Variants in MYRFL observed in about 807,000 individuals in gnomAD.
MYRFL encodes myelin regulatory factor-like protein.
In MYRFL, 88 loss-of-function variants were observed where a neutral mutation model predicts 109.4. The ratio of observed to expected loss-of-function variants is 0.80; its 90% CI spans 0.68 to 0.96. The LOEUF (loss-of-function observed/expected upper bound fraction) is 0.96. Ranked by LOEUF, MYRFL falls within the 40% of genes least tolerant of loss-of-function variation. MYRFL has a pLI of 0.00. For missense variants in MYRFL, 957 were observed against 954.9 expected (o/e 1.00, Z -0.03); for synonymous variants, 324 against 320.9 (o/e 1.01, Z -0.10).
rs77146757 is a variant in MYRFL at position 69,828,413 on chromosome 12, G to A, written c.46+2850G>A. Among the ~76,000 whole-genome samples the A allele has an allele frequency of 8.0e-3, 1,210 of 152,064 alleles. 11 individuals are homozygous for A. The highest frequency in any genetic ancestry group is 0.048 in the East Asian group (246 of 5,178). On this transcript the variant is annotated intron_variant, in intron 1 of 24. Coordinates refer to ENST00000552032, the MANE Select transcript of MYRFL (RefSeq NM_182530.3). Reference sequence around the variant, plus strand: ...TGATGTTTGAATTCTCCTTTGAAACGGTTGTAACATCTTCCTGGTCCCTTC... The same window carrying A: ...TGATGTTTGAATTCTCCTTTGAAACAGTTGTAACATCTTCCTGGTCCCTTC...
At position 69,903,726 on chromosome 12, in the gene MYRFL, G is replaced by A; in HGVS notation, c.1265G>A (p.Gly422Asp). Residue 422 changes from glycine (G) to aspartate (D), a missense_variant, in exon 11 of 25, where the codon GGT (glycine) becomes GAT (aspartate). Coordinates refer to ENST00000552032, the MANE Select transcript of MYRFL (RefSeq NM_182530.3). The stretch of plus-strand genomic sequence containing the variant: ...GTTCCAGAATCTATTGTCTGTCACG[G>A]TCGAGTAGGAATCAACACAGATGCG... ...GQVPESIVCHGRVGINTDAPD... is the reference protein window; with the variant it reads ...GQVPESIVCHDRVGINTDAPD... 1 of 1,535,844 alleles carries A rather than the reference G, an allele frequency of 6.5e-7. No homozygotes were observed. Among genetic ancestry groups the A allele is most frequent in the South Asian group, 1.2e-5 (1 of 84,042 alleles).
intron 7 of MYRFL, among the ~76,000 whole-genome samples, chr12:69,891,570 T>C (rs900994373): frequency 9.6e-6 from 1 of 103,896 alleles, no homozygotes; most frequent in Non-Finnish European, 2.2e-5. Context: ...AATTTCTTTC[T>C]TTCTTTCTTT....
intron 1 of MYRFL, among the ~76,000 whole-genome samples, chr12:69,851,184 A>G (rs1028958380): frequency 6.6e-6 from 1 of 152,236 alleles, no homozygotes; most frequent in African/African-American, 2.4e-5. Context: ...AAAAGACATG[A>G]TAACCCAATG....
intron 19 of MYRFL, among the ~76,000 whole-genome samples, chr12:69,944,532 T>G (rs1955770113): frequency 1.9e-5 from 2 of 102,644 alleles, no homozygotes; most frequent in East Asian, 3.3e-4. Flanking sequence ...TGAGGACTGT[T>G]GTGGGGTTGG....
chr12:69,950,795 A>G (rs1955954021), intron 19 of MYRFL, among the ~76,000 whole-genome samples: 1 of 152,202 alleles, frequency 6.6e-6, no homozygotes. Context: ...AGCGTGTGTG[A>G]TTCTGAGATA....
chr12:69,855,389 G>A lies in MYRFL; in HGVS notation c.137+19G>A. On this transcript the variant is annotated intron_variant, in intron 2 of 24. Transcript: ENST00000552032. ...GGGCCTTGTAAGTAATGAGAGCACT[G>A]CTCTCTAGTTGATGTTTAAAATATT... is the stretch of plus-strand genomic sequence containing the variant. The A allele has an allele frequency of 1.4e-6, 1 of 701,928 alleles. No homozygotes were observed. Among genetic ancestry groups the A allele is most frequent in the Non-Finnish European group, 2.6e-6 (1 of 384,464 alleles). The allele number at this position is 701,928 out of a possible 1,614,324, so 43.5% of individuals were successfully genotyped here.
chr12:69,857,980 T>C (rs1884402061), intron 2 of MYRFL, among the ~76,000 whole-genome samples: 1 of 151,866 alleles, frequency 6.6e-6, no homozygotes, highest in African/African-American at 2.4e-5. Flanking sequence ...TCATTAAGTG[T>C]AATGTTAGTG....
chr12:69,943,384 C>G (rs1160352790), intron 19 of MYRFL, among the ~76,000 whole-genome samples: 1 of 147,406 alleles, frequency 6.8e-6, no homozygotes, highest in Non-Finnish European at 1.5e-5. Context: ...CGCCGCATAT[C>G]TACAACTATC....
intron 16 of MYRFL, among the ~76,000 whole-genome samples, chr12:69,935,412 C>G (rs1458983295): frequency 2.0e-5 from 3 of 152,148 alleles, no homozygotes; most frequent in Admixed American, 6.5e-5. Flanking sequence ...GAGGAGAACA[C>G]TAAGTATTTG....
chr12:69,825,608 G>A, intron 1 of MYRFL, 45 bp downstream of exon 1: 2 of 696,042 alleles, frequency 2.9e-6, no homozygotes, highest in Non-Finnish European at 5.2e-6. Flanking sequence ...TCTGAGAAAT[G>A]CTCACTATCC....
chr12:69,924,489 A>G (rs1469012896), intron 13 of MYRFL, among the ~76,000 whole-genome samples: 3 of 152,112 alleles, frequency 2.0e-5, no homozygotes, highest in Non-Finnish European at 4.4e-5. Context: ...CAAATGTACC[A>G]CAGTTTATTA....
intron 19 of MYRFL, among the ~76,000 whole-genome samples, chr12:69,937,326 G>T (rs1566039551): frequency 1.3e-5 from 2 of 151,894 alleles, no homozygotes; most frequent in Admixed American, 6.6e-5. Context: ...TAATATTAAT[G>T]ATGATGCTAA....
chr12:69,906,244 G>A lies in MYRFL; in HGVS notation c.1383+2400G>A, dbSNP rs1052548862. Among the ~76,000 whole-genome samples the A allele has an allele frequency of 4.6e-5, 7 of 152,058 alleles. No individual in the cohort carries two copies. The South Asian group carries it at 8.3e-4, about 18-fold the overall frequency. ...GGGGGAGATCTCTGATGCTCACAGG[G>A]ACACAGATCCAAGACATGGAGAAGA... On this transcript the variant is annotated intron_variant, in intron 11 of 24. Coordinates refer to ENST00000552032, the MANE Select transcript of MYRFL (RefSeq NM_182530.3).
intron 2 of MYRFL, among the ~76,000 whole-genome samples, chr12:69,878,556 A>G (rs933897453): frequency 2.0e-4 from 31 of 152,206 alleles, no homozygotes; most frequent in African/African-American, 6.8e-4. Flanking sequence ...CATCCATGTA[A>G]TTTGTAAAGA....
chr12:69,826,922 C>T (rs969279200), intron 1 of MYRFL, among the ~76,000 whole-genome samples: 14 of 152,042 alleles, frequency 9.2e-5, no homozygotes, highest in African/African-American at 3.1e-4. Flanking sequence ...GCTTGTAGGG[C>T]TTTGGATGCC....
chr12:69,874,354 T>A (rs1479200774), intron 2 of MYRFL, among the ~76,000 whole-genome samples: 2 of 152,260 alleles, frequency 1.3e-5, no homozygotes, highest in South Asian at 4.1e-4. Context: ...ATTTTAATAT[T>A]TTTTGTAGAA....
At chr12:69,838,789 T>C (rs2136315808) in intron 1 of MYRFL, among the ~76,000 whole-genome samples, 1 of 152,336 alleles carries the variant, frequency 6.6e-6, no homozygotes, top group Non-Finnish European at 1.5e-5. Flanking sequence ...GCTTAATTTA[T>C]ATTTCAAATC....
chr12:69,850,730 T>G (rs1592699497), intron 1 of MYRFL, among the ~76,000 whole-genome samples: 1 of 152,174 alleles, frequency 6.6e-6, no homozygotes, highest in East Asian at 1.9e-4. Context: ...GTAGCCAAAA[T>G]CCCCTTAGAA....
At chr12:69,854,907 A>C (rs1236431526) in intron 1 of MYRFL, among the ~76,000 whole-genome samples, 1 of 152,210 alleles carries the variant, frequency 6.6e-6, no homozygotes, top group Admixed American at 6.5e-5. Flanking sequence ...CCTATATTTT[A>C]TTCTATAAAA....
Sources: gnomAD v4.1 joint callset for allele counts (sites outside exome capture counted in the v4.1 genomes callset) on GRCh38, gnomAD v4.1.1 for gene constraint, MANE v1.5 for transcripts, NCBI Gene and HGNC (gene_info 2026-07-23, HGNC 2026-07-21) for gene names.